TRDMT1: variants seen among roughly 807,000 people sequenced by gnomAD.
The protein encoded by TRDMT1 is tRNA (cytosine(38)-C(5))-methyltransferase.
In TRDMT1, 49 loss-of-function variants were observed where a neutral mutation model predicts 51.2. The ratio of observed to expected loss-of-function variants is 0.96; its 90% CI spans 0.76 to 1.21. The LOEUF (loss-of-function observed/expected upper bound fraction) is 1.21. Among genes scored for constraint, TRDMT1 ranks in the 50% most tolerant of loss-of-function variants. The pLI is 0.00. For synonymous variants in TRDMT1, 187 were observed against 164.6 expected (o/e 1.14, Z -1.04); for missense variants, 534 against 462.3 (o/e 1.16, Z -1.42).
intron 1 of TRDMT1, among the ~76,000 whole-genome samples, chr10:17,186,727 A>C (rs1267843125): frequency 1.3e-5 from 2 of 152,246 alleles, no homozygotes; most frequent in East Asian, 3.8e-4. Flanking sequence ...ATTTATATAT[A>C]GGATAAGTGA....
Position 17,160,506 on chromosome 10 carries a change from C to G in TRDMT1, c.390-132G>C, listed in dbSNP as rs1029869965. On this transcript the variant is annotated intron_variant, in intron 5 of 10. Coordinates refer to ENST00000377799, the MANE Select transcript of TRDMT1 (RefSeq NM_004412.7). ...GTTTTTTTTGAGACAGAGTCTCACTCTGTTGCCCAGGCTGGAATGCAATGG... is the reference window on the plus strand; with the variant it reads ...GTTTTTTTTGAGACAGAGTCTCACTGTGTTGCCCAGGCTGGAATGCAATGG... The G allele has an allele frequency of 1.0e-5, 5 of 489,418 alleles. No homozygotes were observed. The Admixed American group carries it at 1.1e-4, about 11-fold the overall frequency. The allele number at this position is 489,418 out of a possible 1,614,324, so 30.3% of individuals were successfully genotyped here.
intron 2 of TRDMT1, among the ~76,000 whole-genome samples, chr10:17,169,131 C>G (rs1015229222): frequency 6.6e-6 from 1 of 152,158 alleles, no homozygotes; most frequent in Non-Finnish European, 1.5e-5. Context: ...AGTGACTTCC[C>G]CCAAGGTCCC....
At chr10:17,173,941 T>G (rs1162152656) in intron 2 of TRDMT1, among the ~76,000 whole-genome samples, 2 of 152,132 alleles carry the variant, frequency 1.3e-5, no homozygotes, top group African/African-American at 4.8e-5. Flanking sequence ...ATTTTTGTAT[T>G]TTTAGTAGAG....
intron 3 of TRDMT1, among the ~76,000 whole-genome samples, chr10:17,162,652 G>A (rs1840564927): frequency 6.6e-6 from 1 of 152,158 alleles, no homozygotes; most frequent in Non-Finnish European, 1.5e-5. Flanking sequence ...AGACCAGCCT[G>A]GCCAACATGG....
At position 17,139,479 on chromosome 10, in the gene TRDMT1, C is replaced by T. The variant is rs1368553362; in HGVS notation, c.*9561G>A. Among the ~76,000 whole-genome samples the T allele has an allele frequency of 6.6e-6, 1 of 151,640 alleles. No individual in the cohort carries two copies. Among genetic ancestry groups the T allele is most frequent in the African/African-American group, 2.4e-5 (1 of 41,224 alleles). ...GCAAGAGAGGTGAGGATGTCACCAC[C>T]GATGGGGGGAAGAAAAAAACAGTTT... On this transcript the variant is annotated 3_prime_UTR_variant, in exon 11 of 11. Transcript: ENST00000377799.
At chr10:17,179,521 T>C (rs1232566277) in intron 1 of TRDMT1, among the ~76,000 whole-genome samples, 1 of 151,828 alleles carries the variant, frequency 6.6e-6, no homozygotes, top group Non-Finnish European at 1.5e-5. Flanking sequence ...ATAGATTAAA[T>C]AGATAAAATA....
At position 17,141,902 on chromosome 10, in the gene TRDMT1, A is replaced by G. The variant is rs1378140203; in HGVS notation, c.*7138T>C. Among the ~76,000 whole-genome samples the G allele has an allele frequency of 6.6e-6, 1 of 152,236 alleles. No individual in the cohort carries two copies. Among genetic ancestry groups the G allele is most frequent in the African/African-American group, 2.4e-5 (1 of 41,466 alleles). On this transcript the variant is annotated 3_prime_UTR_variant, in exon 11 of 11. Coordinates refer to ENST00000377799, the MANE Select transcript of TRDMT1 (RefSeq NM_004412.7). ...TAACAGACAAAATGTCCAGGATCTA[A>G]TCAAATTATCTGTTACCACAGAATG...
intron 8 of TRDMT1, among the ~76,000 whole-genome samples, 191 bp from the exon 9 acceptor site, chr10:17,154,925 C>T (rs1043041776): frequency 8.6e-5 from 13 of 152,030 alleles, no homozygotes; most frequent in Non-Finnish European, 1.3e-4. Context: ...TTCATTTAAA[C>T]GTCTCATCAA....
intron 1 of TRDMT1, among the ~76,000 whole-genome samples, chr10:17,180,593 T>C (rs1486487112): frequency 6.6e-6 from 1 of 151,936 alleles, no homozygotes; most frequent in Non-Finnish European, 1.5e-5. Context: ...AAAACCTGAT[T>C]TGTGGGAATC....
At chr10:17,201,399 G>A (rs931889447) in intron 1 of TRDMT1, 172 bp downstream of exon 1, 1 of 586,832 alleles carries the variant, frequency 1.7e-6, no homozygotes, top group Non-Finnish European at 2.9e-6. Flanking sequence ...CGTCTGGAGG[G>A]GTGGACACGG....
chr10:17,169,543 T>C (rs1282425518), intron 2 of TRDMT1: 3 of 1,289,444 alleles, frequency 2.3e-6, no homozygotes, highest in Admixed American at 4.6e-5. Context: ...TCCTTTTCTA[T>C]ATCTCAGAAG....
At chr10:17,200,799 T>C (rs1275095571) in intron 1 of TRDMT1, among the ~76,000 whole-genome samples, 2 of 152,208 alleles carry the variant, frequency 1.3e-5, no homozygotes, top group Non-Finnish European at 2.9e-5. Flanking sequence ...TGATAATATC[T>C]CGTGATGTCG....
At chr10:17,175,405 A>T (rs1017871896) in intron 1 of TRDMT1, among the ~76,000 whole-genome samples, 1 of 152,220 alleles carries the variant, frequency 6.6e-6, no homozygotes, top group African/African-American at 2.4e-5. Flanking sequence ...CTTTAATGTT[A>T]GCCGAAATTG....
intron 1 of TRDMT1, among the ~76,000 whole-genome samples, chr10:17,192,711 T>C (rs938894808): frequency 6.6e-6 from 1 of 152,188 alleles, no homozygotes; most frequent in Admixed American, 6.5e-5. Context: ...CCTGATACAT[T>C]TCACGTGTCT....
At chr10:17,154,996 G>C (rs1839296989) in intron 8 of TRDMT1, among the ~76,000 whole-genome samples, 1 of 126,932 alleles carries the variant, frequency 7.9e-6, no homozygotes, top group East Asian at 2.0e-4. Flanking sequence ...CAGGCGGGTG[G>C]ATCACCTGAG....
rs74117725 is a variant in TRDMT1 at position 17,150,626 on chromosome 10, G to C, written c.1076-1486C>G. On this transcript the variant is annotated intron_variant, in intron 10 of 10. Transcript: ENST00000377799. ...AAGGAAATAAAGGAAAAATAAGTTA[G>C]ATAAGAAAATGAAAAACAATTAGGA... The C allele has an allele frequency of 5.9e-3, 5,821 of 985,052 alleles. 217 individuals carry two copies. The African/African-American group carries it at 0.085, about 14-fold the overall frequency. The allele number at this position is 985,052 out of a possible 1,614,324, so 61.0% of individuals were successfully genotyped here. A position where few individuals can be genotyped will look rare whatever the true frequency, so the allele number is the denominator to read the frequency against.
At chr10:17,160,557 C>T (rs146992308) in intron 5 of TRDMT1, among the ~76,000 whole-genome samples, 183 bp from the exon 6 acceptor site, 2,372 of 151,998 alleles carry the variant, frequency 0.016, 26 homozygotes, top group African/African-American at 0.035. Context: ...CTGCATCCTC[C>T]GCCTCCCAGG....
rs1047702310 is a variant in TRDMT1, at chr10:17,142,919, C to T, written c.*6121G>A. On this transcript the variant is annotated 3_prime_UTR_variant, in exon 11 of 11. Coordinates refer to ENST00000377799, the MANE Select transcript of TRDMT1 (RefSeq NM_004412.7). ...TATACTTACCCAGAGTTTATAATTA[C>T]ACTTTTCAGGGAGGAGCAGGGAGAA... The T allele has an allele frequency of 2.3e-6, 2 of 876,246 alleles. No homozygotes were observed. The highest frequency in any genetic ancestry group is 1.8e-5 in the African/African-American group (1 of 55,056). The allele number at this position is 876,246 out of a possible 1,614,324, so 54.3% of individuals were successfully genotyped here. A position where few individuals can be genotyped will look rare whatever the true frequency, so the allele number is the denominator to read the frequency against.
intron 2 of TRDMT1, among the ~76,000 whole-genome samples, chr10:17,174,109 A>G (rs971244603): frequency 2.0e-5 from 3 of 152,236 alleles, no homozygotes; most frequent in South Asian, 4.1e-4. Context: ...CAGTGTTTCA[A>G]TACTTGTGCT....
Sources: gnomAD v4.1 joint callset for allele counts (sites outside exome capture counted in the v4.1 genomes callset) on GRCh38, gnomAD v4.1.1 for gene constraint, MANE v1.5 for transcripts, NCBI Gene and HGNC (gene_info 2026-07-23, HGNC 2026-07-21) for gene names.